Variants in OSGEP observed in about 807,000 individuals in gnomAD.
The protein encoded by OSGEP is O-sialoglycoprotein endopeptidase.
Under a neutral mutation model 44.1 loss-of-function variants are expected in OSGEP, and 39 were observed. That is an observed-to-expected ratio of 0.88 (90% CI 0.69 to 1.16). OSGEP has a LOEUF of 1.16. OSGEP is among the 50% of genes most tolerant of loss of function. OSGEP has a pLI of 0.00. For missense variants in OSGEP, 403 were observed against 443.1 expected, an observed-to-expected ratio of 0.91 and a Z score of 0.81; for synonymous variants, 139 against 161.9, an observed-to-expected ratio of 0.86 and a Z score of 1.07.
rs1458101109 is a variant in OSGEP, at chr14:20,448,132, G to T, written c.676C>A (p.Pro226Thr). ...TGCAGGGAGAAACACAGATCCTCAG[G>T]AGTACACTCGCCTGTGGCCAGCATC... is the stretch of plus-strand genomic sequence containing the variant. ...HRMLATGECT[P>T]EDLCFSLQET... is the part of the protein sequence containing the mutation. The change falls in exon 7 of 11, where the codon CCT (proline) becomes ACT (threonine). Residue 226 changes from proline to threonine, a missense_variant. Pro to Thr is a conservative substitution (Grantham distance 38). Coordinates refer to ENST00000206542, the MANE Select transcript of OSGEP (RefSeq NM_017807.4). 6.2e-7 allele frequency: 1 copy of T among 1,613,656 alleles called. No homozygotes were observed. Among genetic ancestry groups the T allele is most frequent in the East Asian group, 2.2e-5 (1 of 44,884 alleles).
chr14:20,446,958 A>T lies in OSGEP; in HGVS notation c.*282T>A. The T allele has an allele frequency of 2.7e-6, 1 of 375,568 alleles. No homozygotes were observed. Among genetic ancestry groups the T allele is most frequent in the Non-Finnish European group, 4.8e-6 (1 of 209,962 alleles). The allele number at this position is 375,568 out of a possible 1,614,324, so 23.3% of individuals were successfully genotyped here. ...TTCCGTTTCTTAAAAAAAAAAAAAA[A>T]GATACCTCATTCTTGGTTCCACAGC... On this transcript the variant is annotated 3_prime_UTR_variant, in exon 11 of 11. Transcript: ENST00000206542.
In OSGEP at chr14:20,452,007, T is replaced by G. The variant is rs1881112936; in HGVS notation, c.378A>C (p.Pro126=). 6.2e-7 allele frequency: 1 copy of G among 1,612,220 alleles called. No individual in the cohort carries two copies. Among genetic ancestry groups the G allele is most frequent in the African/African-American group, 1.3e-5 (1 of 74,872 alleles). Residue 126 remains proline, a synonymous_variant, in exon 3 of 11, where the codon CCA becomes CCC. Coordinates refer to ENST00000206542, the MANE Select transcript of OSGEP (RefSeq NM_017807.4). ...TTCCTCCACTCACATACAACACGGT[T>G]GGGCTGGTGGCTCCAGTGATGAGGC... ...MGRLITGATS[P]TVLYVSGGNT...
At chr14:20,454,404 A>C in intron 1 of OSGEP, 165 bp downstream of exon 1, 1 of 704,470 alleles carries the variant, frequency 1.4e-6, no homozygotes, top group Admixed American at 2.1e-5. Context: ...TCCACGTCCA[A>C]GTGCCTGTAA....
At position 20,454,741 on chromosome 14, in the gene OSGEP, G is replaced by A. The variant is rs1433909197; in HGVS notation, c.-58C>T. ...CCTGGCAATGTCAGGAGCTGTGGAG[G>A]TCCTCACTAGTCCGCGCTGGGCCGC... is the stretch of plus-strand genomic sequence containing the variant. On this transcript the variant is annotated 5_prime_UTR_variant, in exon 1 of 11. Transcript: ENST00000206542. 6.5e-6 allele frequency: 8 copies of A among 1,224,508 alleles called. No homozygotes were observed. The East Asian group carries it at 1.4e-4, about 22-fold the overall frequency. 75.9% of individuals were successfully genotyped at this position (1,224,508 alleles called of 1,614,324 possible). A position where few individuals can be genotyped will look rare whatever the true frequency, so the allele number is the denominator to read the frequency against.
intron 6 of OSGEP, among the ~76,000 whole-genome samples, 167 bp from the exon 7 acceptor site, chr14:20,448,338 CTTTCA>C (rs1881013417): frequency 1.3e-5 from 2 of 152,184 alleles, no homozygotes; most frequent in Non-Finnish European, 2.9e-5. Flanking sequence ...GAATGAGCAG[CTTTCA>C]TTTAAGATGC....
chr14:20,447,029 C>T lies in OSGEP; in HGVS notation c.*211G>A. On this transcript the variant is annotated 3_prime_UTR_variant, in exon 11 of 11. Transcript: ENST00000206542. ...TATCCAGCACCAAATCTACATTGGT[C>T]CTGAACAACACAATCCAATCACCAA... 1 of 556,084 alleles carries T rather than the reference C, an allele frequency of 1.8e-6. No homozygotes were observed. Among genetic ancestry groups the T allele is most frequent in the Non-Finnish European group, 3.2e-6 (1 of 310,826 alleles). The allele number at this position is 556,084 out of a possible 1,614,324, so 34.4% of individuals were successfully genotyped here.
At chr14:20,454,025 AT>A (rs1359762821) in intron 1 of OSGEP, among the ~76,000 whole-genome samples, 5 of 152,158 alleles carry the variant, frequency 3.3e-5, no homozygotes, top group African/African-American at 1.2e-4. Context: ...TCTCAAAAAA[AT>A]AAAATAAAAT....
At position 20,449,019 on chromosome 14, in the gene OSGEP, A is replaced by G. The variant is rs1438533879; in HGVS notation, c.508-6T>C. 1 of 1,612,690 alleles carries G rather than the reference A, an allele frequency of 6.2e-7. No individual in the cohort carries two copies. The highest frequency in any genetic ancestry group is 8.5e-7 in the Non-Finnish European group (1 of 1,178,762). ...GGACTTGGGTCGTTAGAAATCTAGC[A>G]GAAGAAAAAAATAAGGAAGGAGGGA... On this transcript the variant is annotated splice_region_variant and splice_polypyrimidine_tract_variant and intron_variant, in intron 4 of 10. Transcript: ENST00000206542.
In OSGEP at chr14:20,449,027, A is replaced by C; in HGVS notation, c.508-14T>G. ...GTCGTTAGAAATCTAGCAGAAGAAA[A>C]AAATAAGGAAGGAGGGAATGGAAGA... On this transcript the variant is annotated splice_polypyrimidine_tract_variant and intron_variant, in intron 4 of 10. Transcript: ENST00000206542. 1 of 1,610,874 alleles carries C rather than the reference A, an allele frequency of 6.2e-7. No homozygotes were observed. Among genetic ancestry groups the C allele is most frequent in the Non-Finnish European group, 8.5e-7 (1 of 1,177,010 alleles).
chr14:20,454,668 C>G lies in OSGEP; in HGVS notation c.16G>C (p.Gly6Arg). Residue 6 changes from glycine (G) to arginine (R), a missense_variant, in exon 1 of 11, where the codon GGT becomes CGT. Transcript: ENST00000206542. MPAVLGFEGSANKIGV... is the reference protein window; with the variant it reads MPAVLRFEGSANKIGV... The stretch of plus-strand genomic sequence containing the variant: ...ATCTTATTGGCGCTGCCTTCAAAAC[C>G]CAGCACCGCCGGCATGGCGGAGGCT... 1 of 1,613,800 alleles carries G rather than the reference C, an allele frequency of 6.2e-7. No individual in the cohort carries two copies. Among genetic ancestry groups the G allele is most frequent in the East Asian group, 2.2e-5 (1 of 44,884 alleles).
intron 2 of OSGEP, 63 bp from the exon 3 acceptor site, chr14:20,452,212 T>C (rs1881121455): frequency 1.9e-6 from 3 of 1,582,248 alleles, no homozygotes; most frequent in Non-Finnish European, 2.6e-6. Flanking sequence ...GTGGGGGACA[T>C]AAGGGATGTG....
At chr14:20,454,465 G>A (rs996575824) in intron 1 of OSGEP, 104 bp downstream of exon 1, 13 of 835,704 alleles carry the variant, frequency 1.6e-5, no homozygotes, top group African/African-American at 1.5e-4. Context: ...TAATTTCAAT[G>A]AGACTCGGAT....
In OSGEP at chr14:20,454,812, T is replaced by C. The variant is rs866356822; in HGVS notation, c.-129A>G. Reference sequence around the variant, plus strand: ...AAGCTGGCCAGCCTGCAGATAGCACTGGGAAAGACACCGCGGAACTCCCGC... The same window carrying C: ...AAGCTGGCCAGCCTGCAGATAGCACCGGGAAAGACACCGCGGAACTCCCGC... On this transcript the variant is annotated 5_prime_UTR_variant, in exon 1 of 11. Transcript: ENST00000206542. 65 of 665,748 alleles carry C rather than the reference T, an allele frequency of 9.8e-5. No individual in the cohort carries two copies. In the Middle Eastern group the frequency reaches 1.2e-3, roughly 13 times the overall value. The allele number at this position is 665,748 out of a possible 1,614,324, so 41.2% of individuals were successfully genotyped here. A position where few individuals can be genotyped will look rare whatever the true frequency, so the allele number is the denominator to read the frequency against.
chr14:20,447,871 T>A lies in OSGEP; in HGVS notation c.793+33A>T, dbSNP rs138994421. The A allele has an allele frequency of 4.7e-4, 699 of 1,472,508 alleles. 3 individuals carry two copies. In the African/African-American group the frequency reaches 8.7e-3, roughly 18 times the overall value. 91.2% of individuals were successfully genotyped at this position (1,472,508 alleles called of 1,614,324 possible). A position where few individuals can be genotyped will look rare whatever the true frequency, so the allele number is the denominator to read the frequency against. On this transcript the variant is annotated intron_variant, in intron 8 of 10. Transcript: ENST00000206542. ...GGAGGAAGACGCATAGTGTTAAGAA[T>A]AGGAAAGAGGAACACTTTTCAATAA...
intron 3 of OSGEP, chr14:20,451,008 G>A (rs1881080544): frequency 6.6e-6 from 1 of 152,348 alleles, no homozygotes; most frequent in Non-Finnish European, 1.5e-5. Context: ...CAGCTACTCG[G>A]GAGTAGAGAA....
At chr14:20,454,173 AT>A (rs140663310) in intron 1 of OSGEP, among the ~76,000 whole-genome samples, 4 of 151,708 alleles carry the variant, frequency 2.6e-5, no homozygotes, top group African/African-American at 4.8e-5. Context: ...TCAAAAAATA[AT>A]TTTTTTTTAA....
chr14:20,449,197 G>T lies in OSGEP; in HGVS notation c.481C>A (p.Leu161Met). The change falls in exon 4 of 11, where the codon CTG becomes ATG. Residue 161 changes from leucine to methionine, a missense_variant. Leu to Met is a conservative substitution (Grantham distance 15, BLOSUM62 2). Transcript: ENST00000206542. Reference protein sequence around the residue: ...ETIDIAVGNCLDRFARVLKIS... With the variant: ...ETIDIAVGNCMDRFARVLKIS... ...TTCAGCACTCGAGCAAAACGATCCA[G>T]ACAATTACCCACTGCAATATCGATG... 1 of 1,612,976 alleles carries T rather than the reference G, an allele frequency of 6.2e-7. No individual in the cohort carries two copies. The highest frequency in any genetic ancestry group is 8.5e-7 in the Non-Finnish European group (1 of 1,178,924).
intron 6 of OSGEP, among the ~76,000 whole-genome samples, chr14:20,448,455 CCT>C (rs921906126): frequency 1.2e-4 from 18 of 152,114 alleles, no homozygotes; most frequent in African/African-American, 3.1e-4. Flanking sequence ...TCATTATTTT[CCT>C]CTTTCTTATC....
chr14:20,448,277 A>T (rs1341509498), intron 6 of OSGEP, 106 bp from the exon 7 acceptor site: 2 of 886,792 alleles, frequency 2.3e-6, no homozygotes, highest in Non-Finnish European at 3.9e-6. Context: ...ACCACAATTC[A>T]AGTTACCAGC....
Sources: allele counts gnomAD v4.1 joint callset (sites outside exome capture counted in the v4.1 genomes callset), GRCh38; gene constraint gnomAD v4.1.1; transcripts MANE v1.5; gene names NCBI Gene and HGNC (gene_info 2026-07-23, HGNC 2026-07-21).